The following PNPLA7 variants were observed in gnomAD, a reference collection of about 807,000 sequenced individuals.
The protein encoded by PNPLA7 is patatin-like phospholipase domain-containing protein 7.
A neutral mutation model predicts 161.7 loss-of-function variants in PNPLA7; 153 were observed. That is an observed-to-expected ratio of 0.95 (90% CI 0.83 to 1.08). The LOEUF is 1.08. PNPLA7 is among the 50% of genes least tolerant of loss of function. The pLI is 0.00. For missense variants in PNPLA7, 1,739 were observed against 1,856.6 expected (o/e 0.94, Z 1.16); for synonymous variants, 809 against 782.1 (o/e 1.03, Z -0.57).
intron 12 of PNPLA7, among the ~76,000 whole-genome samples, chr9:137,513,462 G>A (rs1477117849): frequency 1.3e-5 from 2 of 148,342 alleles, no homozygotes; most frequent in African/African-American, 2.5e-5. Flanking sequence ...GGCAACAAGA[G>A]TGAAACTCTG....
intron 12 of PNPLA7, chr9:137,509,107 A>G (rs1338474512): frequency 1.3e-5 from 2 of 154,818 alleles, no homozygotes; most frequent in Admixed American, 6.5e-5. Flanking sequence ...TTTAGCTGGT[A>G]CGAATGAGTT....
At chr9:137,507,127 T>C (rs1833966899) in intron 12 of PNPLA7, among the ~76,000 whole-genome samples, 1 of 152,268 alleles carries the variant, frequency 6.6e-6, no homozygotes, top group Non-Finnish European at 1.5e-5. Context: ...GAGGGTGCGC[T>C]GGTCGGGTTT....
chr9:137,518,207 G>A (rs534805734), intron 11 of PNPLA7, among the ~76,000 whole-genome samples: 5 of 105,058 alleles, frequency 4.8e-5, no homozygotes, highest in African/African-American at 1.7e-4. Context: ...ACTCCACTCT[G>A]CTCACTCCAT....
chr9:137,546,848 G>C lies in PNPLA7; in HGVS notation c.255C>G (p.Gly85=), dbSNP rs1484375531. Residue 85 remains glycine (G), a synonymous_variant, in exon 4 of 35, where the codon GGC becomes GGG. Transcript: ENST00000406427. ...FRKRDKVMFY[G]RKIMRKVTTL... ...CAGCTACCTTCCTCATGATCTTCCGGCCGTAAAACATCACTTTGTCTCTCT... is the reference window on the plus strand; with the variant it reads ...CAGCTACCTTCCTCATGATCTTCCGCCCGTAAAACATCACTTTGTCTCTCT... 6.2e-7 allele frequency: 1 copy of C among 1,613,876 alleles called. No homozygotes were observed. Among genetic ancestry groups the C allele is most frequent in the South Asian group, 1.1e-5 (1 of 91,084 alleles).
At chr9:137,460,915 C>T in intron 33 of PNPLA7, 178 bp from the exon 34 acceptor site, 1 of 591,006 alleles carries the variant, frequency 1.7e-6, no homozygotes, top group Non-Finnish European at 3.0e-6. Flanking sequence ...CTGGTTCTGT[C>T]TGGCTCCAGC....
chr9:137,503,924 AGAAGGAAGAAGAAGAAG>A (rs1564325317), intron 14 of PNPLA7, among the ~76,000 whole-genome samples: 1 of 107,676 alleles, frequency 9.3e-6, no homozygotes, highest in African/African-American at 3.9e-5. Context: ...AGAAGGAAGA[AGAAGGAAGAAGAAGAAG>A]GAAGAATGAA....
Position 137,540,837 on chromosome 9 carries a change from C to T in PNPLA7, c.667-115G>A. On this transcript the variant is annotated intron_variant, in intron 7 of 34. Transcript: ENST00000406427. The surrounding 1 kb of genome is among the most constrained non-coding windows in gnomAD (Gnocchi z 5.1). ...GCCACGGGCCTGCACCTCTGAGGCG[C>T]CATGAGAGCAGCAGGCACCTTGGAT... 6 of 875,894 alleles carry T rather than the reference C, an allele frequency of 6.9e-6. No individual in the cohort carries two copies. Among genetic ancestry groups the T allele is most frequent in the Non-Finnish European group, 1.1e-5 (6 of 549,990 alleles). The allele number at this position is 875,894 out of a possible 1,614,324, so 54.3% of individuals were successfully genotyped here. A position where few individuals can be genotyped will look rare whatever the true frequency, so the allele number is the denominator to read the frequency against.
chr9:137,490,302 G>C lies in PNPLA7; in HGVS notation c.2197+2711C>G, dbSNP rs545800224. On this transcript the variant is annotated intron_variant, in intron 20 of 34. Transcript: ENST00000406427. This position sits in a 1 kb window ranked among gnomAD's most constrained non-coding sequence, Gnocchi z 4.1. ...CATAGAGACAGGGTCTCACTATGTT[G>C]CCCGGGCTGGTCTCGAACTCTTGGG... Among the ~76,000 whole-genome samples, 210 of 152,224 alleles carry C rather than the reference G, an allele frequency of 1.4e-3. 4 individuals are homozygous for C. The highest frequency in any genetic ancestry group is 0.013 in the Admixed American group (195 of 15,270).
Position 137,462,275 on chromosome 9 carries a change from C to T in PNPLA7, c.3549G>A (p.Gln1183=), listed in dbSNP as rs1400991569. ...TRLAYVCCVR[Q]LEVVKSSDYC... ...AGTCACTGCTCTTCACCACCTCCAG[C>T]TGCCGCACGCAACACACGTAGGCCA... The change falls in exon 31 of 35, where the codon CAG becomes CAA. Residue 1183 remains glutamine, a synonymous_variant. Transcript: ENST00000406427. 1 of 1,611,836 alleles carries T rather than the reference C, an allele frequency of 6.2e-7. No individual in the cohort carries two copies. The highest frequency in any genetic ancestry group is 1.7e-5 in the Admixed American group (1 of 59,894).
At chr9:137,522,219 C>A (rs967379254) in intron 9 of PNPLA7, among the ~76,000 whole-genome samples, 4 of 152,224 alleles carry the variant, frequency 2.6e-5, no homozygotes, top group South Asian at 2.1e-4. Context: ...GGACTACAGG[C>A]GCCCGCCACC....
In PNPLA7 at chr9:137,520,896, G is replaced by T. The variant is rs1472221988; in HGVS notation, c.957+740C>A. 6.6e-6 allele frequency among the ~76,000 whole-genome samples: 1 copy of T among 152,272 alleles called. No homozygotes were observed. The stretch of plus-strand genomic sequence containing the variant: ...TCAAGGGCAACACACAGGGAGTGCT[G>T]GCAACAGGGACCCCATGGGACGGGC... On this transcript the variant is annotated intron_variant, in intron 10 of 34. Coordinates refer to ENST00000406427, the MANE Select transcript of PNPLA7 (RefSeq NM_001098537.3). This position sits in a 1 kb window ranked among gnomAD's most constrained non-coding sequence, Gnocchi z 5.2.
At position 137,504,633 on chromosome 9, in the gene PNPLA7, C is replaced by T. The variant is rs759191821; in HGVS notation, c.1473+981G>A. ...TGACACAGTCAGGGGTCCAGGAACA[C>T]GCTGGGTGGGTGAGCAATCGCAGCT... On this transcript the variant is annotated intron_variant, in intron 14 of 34. Coordinates refer to ENST00000406427, the MANE Select transcript of PNPLA7 (RefSeq NM_001098537.3). Among the ~76,000 whole-genome samples, 41 of 152,172 alleles carry T rather than the reference C, an allele frequency of 2.7e-4. 1 individual carries two copies. The highest frequency in any genetic ancestry group is 1.6e-4 in the Non-Finnish European group (11 of 68,032).
intron 12 of PNPLA7, among the ~76,000 whole-genome samples, chr9:137,514,704 T>G (rs1285868123): frequency 2.5e-4 from 23 of 91,174 alleles, no homozygotes; most frequent in East Asian, 3.6e-4. Context: ...CGGATGTTGA[T>G]GTGCCCGGGC....
In PNPLA7 at chr9:137,484,621, G is replaced by A. The variant is rs746758017; in HGVS notation, c.2313C>T (p.Phe771=). Residue 771 remains phenylalanine, a synonymous_variant, in exon 21 of 35, where the codon TTC becomes TTT. Coordinates refer to ENST00000406427, the MANE Select transcript of PNPLA7 (RefSeq NM_001098537.3). ...PVSEEVPLTA[F]ALELEHALSA... is the part of the protein sequence containing the mutation. ...TGAGGGCATGCTCCAGCTCCAGGGCGAAGGCGGTGAGGGGCACTTCCTCTG... is the reference window on the plus strand; with the variant it reads ...TGAGGGCATGCTCCAGCTCCAGGGCAAAGGCGGTGAGGGGCACTTCCTCTG... The A allele has an allele frequency of 8.7e-6, 14 of 1,611,952 alleles. No homozygotes were observed. Among genetic ancestry groups the A allele is most frequent in the South Asian group, 2.2e-5 (2 of 90,714 alleles).
chr9:137,531,431 G>A (rs1292623328), intron 8 of PNPLA7, among the ~76,000 whole-genome samples: 2 of 152,226 alleles, frequency 1.3e-5, no homozygotes, highest in African/African-American at 4.8e-5. Flanking sequence ...TCAGGAAGCT[G>A]TGAAAACCAC....
intron 8 of PNPLA7, among the ~76,000 whole-genome samples, chr9:137,526,711 G>T (rs1329959011): frequency 6.6e-6 from 1 of 152,184 alleles, no homozygotes; most frequent in Non-Finnish European, 1.5e-5. Flanking sequence ...TGCAGTTTTG[G>T]ATGCTATTAT....
At position 137,520,231 on chromosome 9, in the gene PNPLA7, G is replaced by A. The variant is rs1307289534; in HGVS notation, c.958-188C>T. The stretch of plus-strand genomic sequence containing the variant: ...GTGTGGGCCTCTCAAAGGTGTGACA[G>A]GTGTGGGCCTCTCAAGGCAAAGTTT... On this transcript the variant is annotated intron_variant, in intron 10 of 34. Coordinates refer to ENST00000406427, the MANE Select transcript of PNPLA7 (RefSeq NM_001098537.3). The surrounding 1 kb of genome is among the most constrained non-coding windows in gnomAD (Gnocchi z 5.2). Among the ~76,000 whole-genome samples the A allele has an allele frequency of 6.6e-6, 1 of 152,094 alleles. No homozygotes were observed. Among genetic ancestry groups the A allele is most frequent in the Non-Finnish European group, 1.5e-5 (1 of 68,008 alleles).
At chr9:137,545,835 C>T (rs571195234) in intron 4 of PNPLA7, among the ~76,000 whole-genome samples, 20 of 152,288 alleles carry the variant, frequency 1.3e-4, no homozygotes, top group African/African-American at 4.1e-4. Context: ...GTGACGCCAG[C>T]GTCTGGGAAG....
At chr9:137,534,194 G>A (rs1835760621) in intron 8 of PNPLA7, among the ~76,000 whole-genome samples, 1 of 149,162 alleles carries the variant, frequency 6.7e-6, no homozygotes, top group Admixed American at 6.6e-5. Flanking sequence ...CTCCCCAACT[G>A]TCCACTCCAG....
Sources: allele counts gnomAD v4.1 joint callset (sites outside exome capture counted in the v4.1 genomes callset), GRCh38; gene constraint gnomAD v4.1.1; non-coding constraint Gnocchi (gnomAD v3.1); transcripts MANE v1.5; gene names NCBI Gene and HGNC (gene_info 2026-07-23, HGNC 2026-07-21).